The following TTYH3 variants were observed in gnomAD, a reference collection of about 807,000 sequenced individuals.
The protein encoded by TTYH3 is protein tweety homolog 3.
A neutral mutation model predicts 68.2 loss-of-function variants in TTYH3; 23 were observed. That is an observed-to-expected ratio of 0.34 (90% CI 0.24 to 0.48). TTYH3 has a LOEUF of 0.48. Ranked by LOEUF, TTYH3 falls within the 20% of genes least tolerant of loss-of-function variation. The pLI is 0.99. For missense variants in TTYH3, 768 were observed against 727.7 expected, an observed-to-expected ratio of 1.06 and a Z score of -0.64; for synonymous variants, 360 against 332.8, an observed-to-expected ratio of 1.08 and a Z score of -0.89.
chr7:2,641,352 C>T (rs1046814887), intron 1 of TTYH3, among the ~76,000 whole-genome samples: 12 of 151,842 alleles, frequency 7.9e-5, no homozygotes, highest in Non-Finnish European at 1.8e-4. Context: ...AGGGGGCATC[C>T]CCCATGGATG....
chr7:2,644,043 G>T (rs533924435), intron 1 of TTYH3, among the ~76,000 whole-genome samples: 2 of 152,192 alleles, frequency 1.3e-5, no homozygotes, highest in Non-Finnish European at 2.9e-5. Flanking sequence ...GGGAGGGCTC[G>T]CTGGAGGAGT....
chr7:2,643,408 C>T (rs1452259481), intron 1 of TTYH3, among the ~76,000 whole-genome samples: 1 of 151,956 alleles, frequency 6.6e-6, no homozygotes, highest in Non-Finnish European at 1.5e-5. Context: ...TCCTGTGCTG[C>T]CTTTTCTGTT....
chr7:2,636,923 T>C (rs1469325785), intron 1 of TTYH3, among the ~76,000 whole-genome samples: 1 of 152,142 alleles, frequency 6.6e-6, no homozygotes, highest in African/African-American at 2.4e-5. Context: ...CAGGAGACTC[T>C]GGGGTTCTCA....
Position 2,646,943 on chromosome 7 carries a change from C to T in TTYH3, c.214C>T (p.Arg72Trp), listed in dbSNP as rs763565617. ...LFYSFWLCCR[R>W]RKSEEHLDAD... ...CTACTCCTTCTGGCTGTGCTGCCGG[C>T]GGCGCAAGAGCGAGGAGCACCTGGA... is the stretch of plus-strand genomic sequence containing the variant. Residue 72 changes from arginine (R) to tryptophan (W), a missense_variant, in exon 2 of 14, where the codon CGG becomes TGG. Arg to Trp is a moderately radical substitution (Grantham distance 101). Transcript: ENST00000258796. 4.7e-5 allele frequency: 76 copies of T among 1,600,514 alleles called. No homozygotes were observed. Among genetic ancestry groups the T allele is most frequent in the Non-Finnish European group, 6.3e-5 (74 of 1,178,650 alleles).
Position 2,650,067 on chromosome 7 carries a change from G to A in TTYH3, c.871+79G>A, listed in dbSNP as rs568941015. ...CCAAAAGAGTGGGGTAGCTGAGGCC[G>A]AGACACCCCTGCCCTGTGGGTCCAT... On this transcript the variant is annotated intron_variant, in intron 7 of 13. Coordinates refer to ENST00000258796, the MANE Select transcript of TTYH3 (RefSeq NM_025250.3). 6.2e-5 allele frequency: 91 copies of A among 1,459,256 alleles called. No homozygotes were observed. In the East Asian group the frequency reaches 1.9e-3, roughly 31 times the overall value. The allele number at this position is 1,459,256 out of a possible 1,614,324, so 90.4% of individuals were successfully genotyped here. A position where few individuals can be genotyped will look rare whatever the true frequency, so the allele number is the denominator to read the frequency against.
chr7:2,632,384 C>A, intron 1 of TTYH3, 106 bp downstream of exon 1: 11 of 1,219,528 alleles, frequency 9.0e-6, no homozygotes, highest in Non-Finnish European at 1.1e-5. Context: ...ACCCCTCATC[C>A]CCCCCTCCAG....
At chr7:2,642,615 C>T (rs952917224) in intron 1 of TTYH3, among the ~76,000 whole-genome samples, 2 of 150,996 alleles carry the variant, frequency 1.3e-5, no homozygotes, top group African/African-American at 4.9e-5. Flanking sequence ...GTGGTCCAAG[C>T]TACTTGAGAG....
Position 2,662,864 on chromosome 7 carries a change from T to C in TTYH3, c.*1125T>C, listed in dbSNP as rs2115002874. ...GCTGCAGTAGCGTTTCTTCATGGGG[T>C]GCTCCAGGGGGTGCCACAGACCGAC... is the stretch of plus-strand genomic sequence containing the variant. On this transcript the variant is annotated 3_prime_UTR_variant, in exon 14 of 14. Coordinates refer to ENST00000258796, the MANE Select transcript of TTYH3 (RefSeq NM_025250.3). 1 of 152,540 alleles carries C rather than the reference T, an allele frequency of 6.6e-6. No individual in the cohort carries two copies. The highest frequency in any genetic ancestry group is 2.1e-4 in the South Asian group (1 of 4,826). 9.4% of individuals were successfully genotyped at this position (152,540 alleles called of 1,614,324 possible). A position where few individuals can be genotyped will look rare whatever the true frequency, so the allele number is the denominator to read the frequency against.
chr7:2,646,164 G>A (rs1421082530), intron 1 of TTYH3, among the ~76,000 whole-genome samples: 5 of 152,116 alleles, frequency 3.3e-5, no homozygotes, highest in Non-Finnish European at 5.9e-5. Context: ...ACAGGCACCC[G>A]CCACCAGGCC....
intron 6 of TTYH3, 95 bp from the exon 7 acceptor site, chr7:2,649,818 T>A: frequency 6.7e-7 from 1 of 1,496,364 alleles, no homozygotes; most frequent in Non-Finnish European, 9.2e-7. Flanking sequence ...CCCTCCTGAG[T>A]TGAAAGCAGA....
intron 1 of TTYH3, among the ~76,000 whole-genome samples, chr7:2,646,382 T>C (rs28367423): frequency 0.036 from 5,425 of 152,312 alleles, 297 homozygotes; most frequent in African/African-American, 0.12. Flanking sequence ...CTAGTGGGGC[T>C]GTGGCTGCAA....
chr7:2,661,344 T>G (rs1446837139), intron 13 of TTYH3, among the ~76,000 whole-genome samples: 1 of 152,162 alleles, frequency 6.6e-6, no homozygotes, highest in Non-Finnish European at 1.5e-5. Flanking sequence ...GGCAGAACTC[T>G]GCCTGGCCCA....
chr7:2,647,330 CA>C (rs1316930140), intron 3 of TTYH3, 77 bp downstream of exon 3: 3 of 1,512,336 alleles, frequency 2.0e-6, no homozygotes, highest in Non-Finnish European at 2.6e-6. Context: ...ACGGGCGGGG[CA>C]GCCGGGACTG....
At position 2,664,384 on chromosome 7, in the gene TTYH3, G is replaced by A. The variant is rs1786566560; in HGVS notation, c.*2645G>A. On this transcript the variant is annotated 3_prime_UTR_variant, in exon 14 of 14. Coordinates refer to ENST00000258796, the MANE Select transcript of TTYH3 (RefSeq NM_025250.3). ...CCCCAGAACCCCAGACAAGGGGGCA[G>A]GCGGGGGACCAGGGCCTCTCCTGTG... 6.6e-6 allele frequency: 1 copy of A among 152,622 alleles called. No homozygotes were observed. The highest frequency in any genetic ancestry group is 6.5e-5 in the Admixed American group (1 of 15,288). 9.5% of individuals were successfully genotyped at this position (152,622 alleles called of 1,614,324 possible). A position where few individuals can be genotyped will look rare whatever the true frequency, so the allele number is the denominator to read the frequency against.
At chr7:2,651,411 G>A (rs552214131) in intron 7 of TTYH3, among the ~76,000 whole-genome samples, 25 of 152,344 alleles carry the variant, frequency 1.6e-4, no homozygotes, top group African/African-American at 4.6e-4. Flanking sequence ...GGGCGAGGGT[G>A]GAGGGGTGGG....
Position 2,658,362 on chromosome 7 carries a change from A to G in TTYH3, c.1327A>G (p.Met443Val). The change falls in exon 12 of 14, where the codon ATG becomes GTG. Residue 443 changes from methionine to valine, a missense_variant. Transcript: ENST00000258796. Reference protein sequence around the residue: ...QAHDSLYRVHMPSLYSCGSSY... With the variant: ...QAHDSLYRVHVPSLYSCGSSY... Reference sequence around the variant, plus strand: ...GCACGACAGCCTCTACCGCGTCCACATGCCCAGCCTGTACAGCTGTGGCAG... The same window carrying G: ...GCACGACAGCCTCTACCGCGTCCACGTGCCCAGCCTGTACAGCTGTGGCAG... The G allele has an allele frequency of 6.2e-7, 1 of 1,611,234 alleles. No homozygotes were observed. Among genetic ancestry groups the G allele is most frequent in the Non-Finnish European group, 8.5e-7 (1 of 1,179,380 alleles).
In TTYH3 at chr7:2,662,110, G is replaced by A. The variant is rs925957928; in HGVS notation, c.*371G>A. On this transcript the variant is annotated 3_prime_UTR_variant, in exon 14 of 14. Coordinates refer to ENST00000258796, the MANE Select transcript of TTYH3 (RefSeq NM_025250.3). ...TCCACAGCTCTCCTTCCTCCCGCCC[G>A]GCACTTCTGTGGACCCCTTCTTAGT... 3 of 444,332 alleles carry A rather than the reference G, an allele frequency of 6.8e-6. No individual in the cohort carries two copies. Among genetic ancestry groups the A allele is most frequent in the East Asian group, 4.5e-5 (1 of 22,132 alleles). 27.5% of individuals were successfully genotyped at this position (444,332 alleles called of 1,614,324 possible).
At chr7:2,648,729 G>A (rs1193435800) in intron 5 of TTYH3, among the ~76,000 whole-genome samples, 1 of 152,134 alleles carries the variant, frequency 6.6e-6, no homozygotes, top group Non-Finnish European at 1.5e-5. Flanking sequence ...AAAAGCCGGG[G>A]TGGTGTGAAG....
At chr7:2,653,437 G>A (rs1786246725) in intron 9 of TTYH3, among the ~76,000 whole-genome samples, 1 of 152,230 alleles carries the variant, frequency 6.6e-6, no homozygotes, top group Non-Finnish European at 1.5e-5. Context: ...AAAGAGATGA[G>A]GGAAGAGAGT....
Sources: allele counts gnomAD v4.1 joint callset (sites outside exome capture counted in the v4.1 genomes callset), GRCh38; gene constraint gnomAD v4.1.1; transcripts MANE v1.5; gene names NCBI Gene and HGNC (gene_info 2026-07-23, HGNC 2026-07-21).